Variants in GUCY1A2 observed in about 807,000 individuals in gnomAD.
GUCY1A2 encodes guanylate cyclase soluble subunit alpha-2.
GUCY1A2 carries 27 observed loss-of-function variants against 63.5 expected under a neutral mutation model. The ratio of observed to expected loss-of-function variants is 0.43; its 90% CI spans 0.31 to 0.59. The LOEUF (loss-of-function observed/expected upper bound fraction) is 0.59. GUCY1A2 is among the 20% of genes least tolerant of loss of function. The probability of loss-of-function intolerance (pLI) is 0.11; values close to 1 mark genes in which losing one functional copy is unlikely to be tolerated. For missense variants in GUCY1A2, 768 were observed against 913.3 expected, an observed-to-expected ratio of 0.84 and a Z score of 2.05; for synonymous variants, 364 against 343.5, an observed-to-expected ratio of 1.06 and a Z score of -0.66.
At chr11:106,740,352 G>A (rs886942068) in intron 6 of GUCY1A2, among the ~76,000 whole-genome samples, 3 of 151,976 alleles carry the variant, frequency 2.0e-5, no homozygotes, top group Non-Finnish European at 4.4e-5. Flanking sequence ...AGTAGAAACA[G>A]ATGCTTTTAA....
At chr11:106,747,463 T>G (rs1417300448) in intron 6 of GUCY1A2, among the ~76,000 whole-genome samples, 1 of 152,204 alleles carries the variant, frequency 6.6e-6, no homozygotes, top group Non-Finnish European at 1.5e-5. Flanking sequence ...CAGATTGCTA[T>G]ACTGGAGGAT....
chr11:106,766,316 T>C (rs2135395162), intron 6 of GUCY1A2, among the ~76,000 whole-genome samples: 1 of 152,254 alleles, frequency 6.6e-6, no homozygotes, highest in East Asian at 1.9e-4. Context: ...TGCATATTTC[T>C]CTGCATCTTT....
chr11:106,844,425 A>G, intron 4 of GUCY1A2, among the ~76,000 whole-genome samples: 1 of 151,894 alleles, frequency 6.6e-6, no homozygotes, highest in East Asian at 1.9e-4. Flanking sequence ...GATCATCAAT[A>G]TTTACTCATA....
In GUCY1A2 at chr11:106,902,210, A is replaced by G. The variant is rs138912080; in HGVS notation, c.1206+37250T>C. Among the ~76,000 whole-genome samples the G allele has an allele frequency of 3.3e-5, 5 of 152,310 alleles. No homozygotes were observed. The East Asian group carries it at 9.7e-4, about 29-fold the overall frequency. On this transcript the variant is annotated intron_variant, in intron 4 of 7. Transcript: ENST00000526355. Reference sequence around the variant, plus strand: ...TTGTCAAAGAGCACTATTATTTTGAAAGGAATCTCTTTTACTGAGCGGTAA... The same window carrying G: ...TTGTCAAAGAGCACTATTATTTTGAGAGGAATCTCTTTTACTGAGCGGTAA...
intron 3 of GUCY1A2, among the ~76,000 whole-genome samples, chr11:106,977,064 G>C (rs534005169): frequency 1.3e-5 from 2 of 152,142 alleles, no homozygotes; most frequent in Non-Finnish European, 2.9e-5. Flanking sequence ...CTAACTCAGT[G>C]ATTCTAAAAA....
intron 4 of GUCY1A2, among the ~76,000 whole-genome samples, chr11:106,878,782 T>A (rs1480224617): frequency 6.5e-5 from 9 of 137,964 alleles, no homozygotes; most frequent in South Asian, 2.3e-4. Context: ...ACTTAAAAGT[T>A]AAAAAAAAAA....
intron 3 of GUCY1A2, among the ~76,000 whole-genome samples, chr11:106,950,774 A>G (rs1385335100): frequency 6.6e-6 from 1 of 152,134 alleles, no homozygotes; most frequent in East Asian, 1.9e-4. Flanking sequence ...TCACTTTTTT[A>G]AATTTCTTCT....
chr11:106,726,658 T>C (rs925334250), intron 6 of GUCY1A2, among the ~76,000 whole-genome samples: 1 of 152,018 alleles, frequency 6.6e-6, no homozygotes, highest in African/African-American at 2.4e-5. Context: ...GAGACACATG[T>C]AGGAGAAAAA....
At position 106,680,325 on chromosome 11, in the gene GUCY1A2, T is replaced by C. The variant is rs1468668325; in HGVS notation, c.*7224A>G. The C allele has an allele frequency of 9.6e-6, 2 of 208,774 alleles. No individual in the cohort carries two copies. The highest frequency in any genetic ancestry group is 2.3e-5 in the African/African-American group (1 of 43,980). The allele number at this position is 208,774 out of a possible 1,614,324, so 12.9% of individuals were successfully genotyped here. On this transcript the variant is annotated 3_prime_UTR_variant, in exon 8 of 8. Transcript: ENST00000526355. ...CATTTAATAGACCACAGTAAAAATA[T>C]ATTAAGTAGAATTCCTTCTTTATCT...
chr11:106,820,222 AT>A (rs919524567), intron 4 of GUCY1A2, among the ~76,000 whole-genome samples: 3 of 152,144 alleles, frequency 2.0e-5, no homozygotes, highest in South Asian at 4.1e-4. Context: ...TTTTAAAAAA[AT>A]ATCATCCTAA....
At chr11:106,864,356 A>G (rs1265851987) in intron 4 of GUCY1A2, among the ~76,000 whole-genome samples, 2 of 152,094 alleles carry the variant, frequency 1.3e-5, no homozygotes, top group Admixed American at 1.3e-4. Context: ...CAATCATGTC[A>G]TCTGCAAACA....
intron 6 of GUCY1A2, chr11:106,746,444 T>G: frequency 1.4e-4 from 81 of 574,264 alleles, no homozygotes; most frequent in East Asian, 3.6e-4. Flanking sequence ...AGGATGATGA[T>G]GATATTTGAA....
At chr11:106,906,763 G>C (rs1436664369) in intron 4 of GUCY1A2, among the ~76,000 whole-genome samples, 10 of 152,004 alleles carry the variant, frequency 6.6e-5, no homozygotes, top group South Asian at 4.2e-4. Context: ...GCCATAAAAA[G>C]GATGAGTTCA....
chr11:106,904,929 T>A (rs1338383067), intron 4 of GUCY1A2, among the ~76,000 whole-genome samples: 1 of 152,074 alleles, frequency 6.6e-6, no homozygotes, highest in Non-Finnish European at 1.5e-5. Context: ...AATGAAGATA[T>A]ATAAGCAACA....
At chr11:106,786,406 G>A (rs545873443) in intron 5 of GUCY1A2, among the ~76,000 whole-genome samples, 1 of 152,272 alleles carries the variant, frequency 6.6e-6, no homozygotes, top group African/African-American at 2.4e-5. Context: ...AAATAGAACA[G>A]TGATTTGGCC....
chr11:106,792,476 A>G (rs1439788878), intron 5 of GUCY1A2, among the ~76,000 whole-genome samples: 1 of 152,140 alleles, frequency 6.6e-6, no homozygotes, highest in Non-Finnish European at 1.5e-5. Flanking sequence ...AAATCAATAA[A>G]TGTGATTCAT....
chr11:106,978,763 A>T lies in GUCY1A2; in HGVS notation c.366-23T>A, dbSNP rs111785800. 927 of 1,576,740 alleles carry T rather than the reference A, an allele frequency of 5.9e-4. 6 individuals are homozygous for T. In the African/African-American group the frequency reaches 0.012, roughly 20 times the overall value. Reference sequence around the variant, plus strand: ...TAACTAAGAAGAAAACAAAATTAGCATAAGGAGAAATTTTTGAAAGCATCT... The same window carrying T: ...TAACTAAGAAGAAAACAAAATTAGCTTAAGGAGAAATTTTTGAAAGCATCT... On this transcript the variant is annotated intron_variant, in intron 2 of 7. Transcript: ENST00000526355.
chr11:106,896,578 A>G (rs1193924623), intron 4 of GUCY1A2, among the ~76,000 whole-genome samples: 1 of 152,176 alleles, frequency 6.6e-6, no homozygotes, highest in Non-Finnish European at 1.5e-5. Context: ...TTTGGAAGTG[A>G]TTATCTCACA....
At chr11:107,012,134 G>C (rs935157198) in intron 1 of GUCY1A2, among the ~76,000 whole-genome samples, 3 of 152,040 alleles carry the variant, frequency 2.0e-5, no homozygotes, top group African/African-American at 7.2e-5. Flanking sequence ...GAAATGTTTG[G>C]ATCTGCAATT....
Sources: gnomAD v4.1 joint callset for allele counts (sites outside exome capture counted in the v4.1 genomes callset) on GRCh38, gnomAD v4.1.1 for gene constraint, MANE v1.5 for transcripts, NCBI Gene and HGNC (gene_info 2026-07-23, HGNC 2026-07-21) for gene names.